The following NRXN3 variants were observed in gnomAD, a reference collection of about 807,000 sequenced individuals.
NRXN3 encodes the protein neurexin III.
In NRXN3, 32 loss-of-function variants were observed where a neutral mutation model predicts 137.6. The observed-to-expected ratio is 0.23, with a 90% CI of 0.18 to 0.31. The LOEUF (loss-of-function observed/expected upper bound fraction) is 0.31, where lower values mean the gene tolerates loss of function less well. NRXN3 is among the 10% of genes least tolerant of loss of function. NRXN3 has a pLI of 1.00. For synonymous variants in NRXN3, 798 were observed against 784.5 expected (o/e 1.02, Z -0.29); for missense variants, 1,574 against 2,062.5 (o/e 0.76, Z 4.59).
At chr14:78,280,249 A>G (rs1309035580) in intron 3 of NRXN3, among the ~76,000 whole-genome samples, 1 of 152,162 alleles carries the variant, frequency 6.6e-6, no homozygotes, top group Non-Finnish European at 1.5e-5. Context: ...ACACACACAT[A>G]TCTATGTATA....
At chr14:78,949,713 G>A (rs1056617661) in intron 10 of NRXN3, among the ~76,000 whole-genome samples, 3 of 152,140 alleles carry the variant, frequency 2.0e-5, no homozygotes, top group African/African-American at 7.2e-5. Flanking sequence ...AGGCTGAGGA[G>A]GGATGGCTGC....
intron 4 of NRXN3, among the ~76,000 whole-genome samples, chr14:78,397,555 C>A (rs1202049844): frequency 3.3e-5 from 5 of 151,576 alleles, no homozygotes; most frequent in African/African-American, 1.2e-4. Context: ...TTTTTAGTTG[C>A]AGAGACTTTT....
At chr14:79,443,563 C>T (rs1156798330) in intron 15 of NRXN3, among the ~76,000 whole-genome samples, 1 of 152,090 alleles carries the variant, frequency 6.6e-6, no homozygotes, top group African/African-American at 2.4e-5. Flanking sequence ...TATTATAGTC[C>T]AGCCAACAGC....
chr14:78,545,887 C>A (rs924982728), intron 4 of NRXN3, among the ~76,000 whole-genome samples: 1 of 152,086 alleles, frequency 6.6e-6, no homozygotes, highest in African/African-American at 2.4e-5. Flanking sequence ...AAAATTTTTT[C>A]ATATCAAAAG....
intron 4 of NRXN3, among the ~76,000 whole-genome samples, chr14:78,513,957 C>G (rs535225637): frequency 7.9e-5 from 12 of 152,102 alleles, no homozygotes; most frequent in Non-Finnish European, 1.8e-4. Context: ...ATGTTGTGTT[C>G]TGGGTCAGTT....
intron 4 of NRXN3, among the ~76,000 whole-genome samples, chr14:78,612,660 C>G (rs971516254): frequency 6.6e-6 from 1 of 152,222 alleles, no homozygotes; most frequent in African/African-American, 2.4e-5. Context: ...ATTACTTACA[C>G]TCTTCAGGGC....
intron 15 of NRXN3, among the ~76,000 whole-genome samples, chr14:79,057,171 C>T (rs1323995562): frequency 6.6e-6 from 1 of 152,208 alleles, no homozygotes; most frequent in Admixed American, 6.5e-5. Context: ...AGGATTCATG[C>T]TGCTATAAGT....
intron 4 of NRXN3, among the ~76,000 whole-genome samples, chr14:78,564,593 A>G (rs2096820573): frequency 6.6e-6 from 1 of 152,174 alleles, no homozygotes; most frequent in Non-Finnish European, 1.5e-5. Flanking sequence ...TGGGTTAGAA[A>G]CTTATGTATT....
rs145172941 is a variant in NRXN3, at chr14:79,537,264, G to A, written c.3444+69862G>A. Among the ~76,000 whole-genome samples the A allele has an allele frequency of 5.9e-4, 90 of 151,816 alleles. 1 individual carries two copies. Among genetic ancestry groups the A allele is most frequent in the African/African-American group, 2.1e-3 (89 of 41,410 alleles). On this transcript the variant is annotated intron_variant, in intron 16 of 20. Transcript: ENST00000335750. Reference sequence around the variant, plus strand: ...GTCGGCTGCATAAATGTTTTCTTTTGAGAAGTGTCTGTTCGTGTCCTTTGC... The same window carrying A: ...GTCGGCTGCATAAATGTTTTCTTTTAAGAAGTGTCTGTTCGTGTCCTTTGC...
chr14:78,346,150 T>C (rs1421858053), intron 4 of NRXN3, among the ~76,000 whole-genome samples: 1 of 152,160 alleles, frequency 6.6e-6, no homozygotes, highest in Non-Finnish European at 1.5e-5. Context: ...AGGCATCTTC[T>C]GATGCATGAT....
chr14:78,943,616 AAAAAAATATATATATAT>A (rs1416975106), intron 10 of NRXN3, among the ~76,000 whole-genome samples: 21 of 41,020 alleles, frequency 5.1e-4, no homozygotes, highest in Admixed American at 7.8e-4. Flanking sequence ...CTGTTAAAAA[AAAAAAATATATATATAT>A]ATATATATAT....
chr14:78,233,134 G>C (rs1363352420), intron 1 of NRXN3, among the ~76,000 whole-genome samples: 5 of 152,304 alleles, frequency 3.3e-5, no homozygotes, highest in East Asian at 1.9e-4. Context: ...GATTGTCAAG[G>C]CATGGTAAGA....
intron 2 of NRXN3, among the ~76,000 whole-genome samples, chr14:78,271,758 A>G (rs886215106): frequency 6.6e-6 from 1 of 152,182 alleles, no homozygotes; most frequent in Non-Finnish European, 1.5e-5. Flanking sequence ...AGTTATTAGC[A>G]TCAAAGAACA....
chr14:78,600,265 AC>A (rs1375935695), intron 4 of NRXN3, among the ~76,000 whole-genome samples: 6 of 152,282 alleles, frequency 3.9e-5, no homozygotes, highest in South Asian at 4.2e-4. Context: ...GATGGCTGGG[AC>A]TTTGAAGAGA....
chr14:79,044,965 T>C (rs2099630851), intron 15 of NRXN3, among the ~76,000 whole-genome samples: 1 of 152,122 alleles, frequency 6.6e-6, no homozygotes, highest in African/African-American at 2.4e-5. Flanking sequence ...AGAAAATGCC[T>C]ATGGTGTCTT....
intron 10 of NRXN3, among the ~76,000 whole-genome samples, chr14:78,848,404 A>C (rs2152473551): frequency 6.6e-6 from 1 of 152,266 alleles, no homozygotes; most frequent in African/African-American, 2.4e-5. Flanking sequence ...GTGCTGGATA[A>C]CCGTTAAAAG....
chr14:78,373,494 G>A (rs1439467371), intron 4 of NRXN3, among the ~76,000 whole-genome samples: 1 of 152,208 alleles, frequency 6.6e-6, no homozygotes, highest in African/African-American at 2.4e-5. Flanking sequence ...TAAATCAGGG[G>A]TAAAGCCATG....
chr14:78,605,819 G>T (rs552730929), intron 4 of NRXN3, among the ~76,000 whole-genome samples: 4 of 152,172 alleles, frequency 2.6e-5, no homozygotes, highest in Admixed American at 2.6e-4. Context: ...GTACAAAGCT[G>T]CTACATGTAA....
chr14:78,829,851 A>G (rs1306230336), intron 10 of NRXN3, among the ~76,000 whole-genome samples: 1 of 152,206 alleles, frequency 6.6e-6, no homozygotes, highest in Non-Finnish European at 1.5e-5. Flanking sequence ...TGGTTCTAAC[A>G]GAATCAAGTT....
Sources: allele counts gnomAD v4.1 joint callset (sites outside exome capture counted in the v4.1 genomes callset), GRCh38; gene constraint gnomAD v4.1.1; transcripts MANE v1.5; gene names NCBI Gene and HGNC (gene_info 2026-07-23, HGNC 2026-07-21).